PACSIN2: variants seen among roughly 807,000 people sequenced by gnomAD.
PACSIN2 encodes the protein protein kinase C and casein kinase substrate in neurons 2.
In PACSIN2, 25 loss-of-function variants were observed where a neutral mutation model predicts 63.8. The observed-to-expected ratio is 0.39, with a 90% confidence interval of 0.29 to 0.55. The LOEUF (loss-of-function observed/expected upper bound fraction) is 0.55, where lower values mean the gene tolerates loss of function less well. Ranked by LOEUF, PACSIN2 falls within the 20% of genes least tolerant of loss-of-function variation. PACSIN2 has a pLI of 0.62. For synonymous variants in PACSIN2, 255 were observed against 256.2 expected, an observed-to-expected ratio of 1.00 and a Z score of 0.05; for missense variants, 518 against 646.9, an observed-to-expected ratio of 0.80 and a Z score of 2.16.
rs1292329492 is a variant in PACSIN2, at chr22:42,912,808, TCTGA to T, written c.-77-655_-77-652del. Among the ~76,000 whole-genome samples the T allele has an allele frequency of 5.9e-5, 9 of 152,182 alleles. No homozygotes were observed. The East Asian group carries it at 1.5e-3, about 26-fold the overall frequency. ...CCTGTCCGCAGCCGAGATGAAACTG[TCTGA>T]CTTTTTGGTAAAAAGGTGACCCCAC... On this transcript the variant is annotated intron_variant, in intron 1 of 10. Coordinates refer to ENST00000263246, the MANE Select transcript of PACSIN2 (RefSeq NM_001184970.3).
At chr22:42,970,773 C>T (rs1361165189) in intron 1 of PACSIN2, among the ~76,000 whole-genome samples, 2 of 152,188 alleles carry the variant, frequency 1.3e-5, no homozygotes, top group Non-Finnish European at 2.9e-5. Flanking sequence ...GGCAGGGCCC[C>T]GTGTAAGCTG....
chr22:42,972,937 T>C (rs1374431672), intron 1 of PACSIN2, among the ~76,000 whole-genome samples: 1 of 152,176 alleles, frequency 6.6e-6, no homozygotes, highest in African/African-American at 2.4e-5. Flanking sequence ...GACAAAATTC[T>C]AGAAATAAAA....
chr22:43,002,668 C>A (rs1923841573), intron 1 of PACSIN2, among the ~76,000 whole-genome samples: 2 of 152,072 alleles, frequency 1.3e-5, no homozygotes, highest in African/African-American at 4.8e-5. Flanking sequence ...TGTTCATACC[C>A]TTTAATACAA....
At chr22:43,013,625 G>C (rs1924645895) in intron 1 of PACSIN2, among the ~76,000 whole-genome samples, 1 of 152,206 alleles carries the variant, frequency 6.6e-6, no homozygotes, top group African/African-American at 2.4e-5. Flanking sequence ...CTTGCCCTGG[G>C]CTCCAACCTG....
intron 1 of PACSIN2, among the ~76,000 whole-genome samples, chr22:42,927,070 C>A (rs1418757877): frequency 6.6e-6 from 1 of 152,174 alleles, no homozygotes; most frequent in Non-Finnish European, 1.5e-5. Context: ...TCAAGGCCAA[C>A]AGGGGCTCCT....
At chr22:42,899,802 C>T (rs1930547644) in intron 2 of PACSIN2, among the ~76,000 whole-genome samples, 2 of 152,164 alleles carry the variant, frequency 1.3e-5, no homozygotes. Flanking sequence ...GAAGGATGTG[C>T]GCGACTACGC....
At chr22:43,000,134 A>G (rs1035055108) in intron 1 of PACSIN2, among the ~76,000 whole-genome samples, 8 of 152,328 alleles carry the variant, frequency 5.3e-5, no homozygotes, top group South Asian at 2.1e-4. Flanking sequence ...TGTAGCCCCA[A>G]TGGACGGGGC....
At chr22:42,910,687 C>T (rs1931392949) in intron 2 of PACSIN2, among the ~76,000 whole-genome samples, 4 of 151,844 alleles carry the variant, frequency 2.6e-5, no homozygotes, top group Admixed American at 6.6e-5. Flanking sequence ...TGAAATATTT[C>T]TCAGGCAGAT....
chr22:42,951,507 C>T (rs975405180), intron 1 of PACSIN2, among the ~76,000 whole-genome samples: 3 of 152,194 alleles, frequency 2.0e-5, no homozygotes, highest in Non-Finnish European at 4.4e-5. Flanking sequence ...GCATCTCCCC[C>T]TGGGAGGCTC....
chr22:42,876,737 G>T, intron 9 of PACSIN2, 151 bp downstream of exon 9: 1 of 903,032 alleles, frequency 1.1e-6, no homozygotes, highest in Non-Finnish European at 1.8e-6. Flanking sequence ...CCAGAGAGCA[G>T]GTAGTGGGCC....
intron 1 of PACSIN2, among the ~76,000 whole-genome samples, chr22:42,966,557 T>G (rs1157978460): frequency 1.3e-5 from 2 of 152,220 alleles, no homozygotes; most frequent in Non-Finnish European, 2.9e-5. Flanking sequence ...TCTCTGGCAC[T>G]TGTCCAAAGA....
intron 3 of PACSIN2, among the ~76,000 whole-genome samples, chr22:42,891,990 A>G (rs1569230260): frequency 6.6e-6 from 1 of 152,154 alleles, no homozygotes; most frequent in Non-Finnish European, 1.5e-5. Context: ...GCTTGAGAAC[A>G]CTGTGGAATG....
chr22:43,003,398 T>C (rs1246392964), intron 1 of PACSIN2, among the ~76,000 whole-genome samples: 4 of 152,120 alleles, frequency 2.6e-5, no homozygotes, highest in Admixed American at 6.5e-5. Context: ...CGTCAGGAGA[T>C]AGAGACCATC....
At chr22:42,950,715 G>A (rs1251111498) in intron 1 of PACSIN2, among the ~76,000 whole-genome samples, 1 of 152,172 alleles carries the variant, frequency 6.6e-6, no homozygotes, top group African/African-American at 2.4e-5. Context: ...GTTTAAGAGT[G>A]GGTAATTACC....
intron 1 of PACSIN2, among the ~76,000 whole-genome samples, chr22:42,957,760 C>T (rs1197281852): frequency 1.3e-5 from 2 of 152,256 alleles, no homozygotes; most frequent in South Asian, 2.1e-4. Context: ...TTCCCTTTCA[C>T]ACCCTGAAGA....
intron 5 of PACSIN2, among the ~76,000 whole-genome samples, chr22:42,887,416 G>C (rs1424288441): frequency 6.6e-6 from 1 of 152,194 alleles, no homozygotes; most frequent in African/African-American, 2.4e-5. Context: ...TCACAAAACA[G>C]GGATGCCACC....
At chr22:42,892,230 G>A (rs752099617) in intron 3 of PACSIN2, among the ~76,000 whole-genome samples, 5 of 152,120 alleles carry the variant, frequency 3.3e-5, no homozygotes, top group Admixed American at 6.5e-5. Context: ...CAACGGAGCC[G>A]GGGCAGAAAT....
At chr22:43,006,828 A>G (rs1924122909) in intron 1 of PACSIN2, among the ~76,000 whole-genome samples, 1 of 152,196 alleles carries the variant, frequency 6.6e-6, no homozygotes. Flanking sequence ...AAAAGAAAAA[A>G]GAAAGAGAAG....
intron 1 of PACSIN2, among the ~76,000 whole-genome samples, chr22:42,942,700 T>C (rs1340294547): frequency 6.6e-6 from 1 of 152,210 alleles, no homozygotes; most frequent in Non-Finnish European, 1.5e-5. Flanking sequence ...AGCATCCTTG[T>C]CCAAAGTCAA....
Sources: allele counts gnomAD v4.1 joint callset (sites outside exome capture counted in the v4.1 genomes callset), GRCh38; gene constraint gnomAD v4.1.1; transcripts MANE v1.5; gene names NCBI Gene and HGNC (gene_info 2026-07-23, HGNC 2026-07-21).